The following EPB41L1 variants were observed in gnomAD, a reference collection of about 807,000 sequenced individuals.
EPB41L1 encodes the protein erythrocyte membrane protein band 4.1 like 1.
Under a neutral mutation model 97.8 loss-of-function variants are expected in EPB41L1, and 29 were observed. The ratio of observed to expected loss-of-function variants is 0.30; its 90% CI spans 0.22 to 0.40. The LOEUF is 0.40. Ranked by LOEUF, EPB41L1 falls within the 10% of genes least tolerant of loss-of-function variation. The pLI is 1.00. For synonymous variants in EPB41L1, 383 were observed against 459.2 expected, an observed-to-expected ratio of 0.83 and a Z score of 2.12; for missense variants, 812 against 1,162.3, an observed-to-expected ratio of 0.70 and a Z score of 4.38.
chr20:36,106,620 G>C (rs1270469704), intron 1 of EPB41L1, among the ~76,000 whole-genome samples: 2 of 152,240 alleles, frequency 1.3e-5, no homozygotes, highest in African/African-American at 4.8e-5. Flanking sequence ...GTAGGGTTTT[G>C]TTGAATGAGT....
At chr20:36,147,971 C>T (rs2059904580) in intron 2 of EPB41L1, among the ~76,000 whole-genome samples, 2 of 152,104 alleles carry the variant, frequency 1.3e-5, no homozygotes, top group Admixed American at 1.3e-4. Flanking sequence ...GCTGATTTCC[C>T]AAGAAGCAGC....
At chr20:36,154,315 C>T (rs2060178807), upstream of EPB41L1, among the ~76,000 whole-genome samples, 1 of 152,130 alleles carries the variant, frequency 6.6e-6, no homozygotes. This position sits in a 1 kb window ranked among gnomAD's most constrained non-coding sequence, Gnocchi z 5.5. Context: ...TTCTCTCCTC[C>T]CCCTCCCTTT....
intron 19 of EPB41L1, 81 bp downstream of exon 19, chr20:36,219,925 C>A: frequency 7.9e-7 from 1 of 1,263,250 alleles, no homozygotes; most frequent in Non-Finnish European, 1.2e-6. Context: ...TTCGGCTTCG[C>A]CATCTGTAAA....
chr20:36,221,484 A>G (rs1326006924), intron 19 of EPB41L1, among the ~76,000 whole-genome samples: 2 of 152,216 alleles, frequency 1.3e-5, no homozygotes, highest in African/African-American at 2.4e-5. Flanking sequence ...CAGCCTGGTG[A>G]GGTGAACAAG....
chr20:36,126,466 A>C (rs2058973740), intron 2 of EPB41L1, among the ~76,000 whole-genome samples: 1 of 151,222 alleles, frequency 6.6e-6, no homozygotes, highest in Non-Finnish European at 1.5e-5. Flanking sequence ...TCCCGGGTTC[A>C]AGCGATTCTC....
chr20:36,201,764 AG>A (rs2062510568), intron 14 of EPB41L1, among the ~76,000 whole-genome samples: 1 of 152,162 alleles, frequency 6.6e-6, no homozygotes, highest in Non-Finnish European at 1.5e-5. Flanking sequence ...ATCCAGGCCC[AG>A]GCAGGAGGCT....
chr20:36,141,475 C>G (rs183014553), intron 2 of EPB41L1, among the ~76,000 whole-genome samples: 2 of 152,020 alleles, frequency 1.3e-5, no homozygotes, highest in Non-Finnish European at 2.9e-5. Flanking sequence ...CTAGATGGGC[C>G]CCATTAGTGA....
upstream of EPB41L1, chr20:36,152,943 C>T: frequency 2.2e-6 from 1 of 455,720 alleles, no homozygotes; most frequent in Non-Finnish European, 4.4e-6. Flanking sequence ...GCAGATTTGT[C>T]TGTCTTCCCA....
At position 36,231,871 on chromosome 20, in the gene EPB41L1, AG is replaced by A. The variant is rs2064504686; in HGVS notation, c.*2532del. On this transcript the variant is annotated 3_prime_UTR_variant, in exon 22 of 22. Coordinates refer to ENST00000338074, the MANE Select transcript of EPB41L1 (RefSeq NM_012156.2). The stretch of plus-strand genomic sequence containing the variant: ...CCCCTCTTTCTGGGTCAAGAGCTGG[AG>A]TGGTGGCTCCATCCTCTCTGGGCCA... 6.5e-6 allele frequency: 1 copy of A among 152,762 alleles called. No individual in the cohort carries two copies. The highest frequency in any genetic ancestry group is 2.1e-4 in the South Asian group (1 of 4,822). The allele number at this position is 152,762 out of a possible 1,614,324, so 9.5% of individuals were successfully genotyped here. A position where few individuals can be genotyped will look rare whatever the true frequency, so the allele number is the denominator to read the frequency against.
At chr20:36,224,155 G>A (rs772731963) in intron 21 of EPB41L1, among the ~76,000 whole-genome samples, 2 of 152,180 alleles carry the variant, frequency 1.3e-5, no homozygotes, top group African/African-American at 2.4e-5. Flanking sequence ...TGCTGTCTGG[G>A]ATGGTAGTCA....
chr20:36,171,520 C>T (rs959326717), intron 1 of EPB41L1, among the ~76,000 whole-genome samples: 2 of 152,182 alleles, frequency 1.3e-5, no homozygotes, highest in Non-Finnish European at 2.9e-5. Flanking sequence ...TCAGTAACAA[C>T]AAACCCTCTC....
chr20:36,185,470 T>C (rs2061645270), intron 7 of EPB41L1, 135 bp downstream of exon 7: 1 of 815,668 alleles, frequency 1.2e-6, no homozygotes, highest in Non-Finnish European at 2.0e-6. Context: ...TTGAGGTATA[T>C]CTAAGAGCAA....
At chr20:36,204,862 T>C (rs1403061015) in intron 14 of EPB41L1, among the ~76,000 whole-genome samples, 1 of 148,794 alleles carries the variant, frequency 6.7e-6, no homozygotes, top group Non-Finnish European at 1.5e-5. Flanking sequence ...AGGATGGTCT[T>C]GATCTCTTGA....
At chr20:36,117,590 G>C (rs888961895) in intron 2 of EPB41L1, among the ~76,000 whole-genome samples, 1 of 152,186 alleles carries the variant, frequency 6.6e-6, no homozygotes, top group Non-Finnish European at 1.5e-5. Flanking sequence ...GGCAGGAAGG[G>C]TATAATTATC....
Position 36,206,763 on chromosome 20 carries a change from G to A in EPB41L1, c.1669-2725G>A, listed in dbSNP as rs1222614535. ...GCTGGGAAGATGCCCAGTGGGGAGT[G>A]GAAGGAGAGTTTCCCCACCTGACAG... On this transcript the variant is annotated intron_variant, in intron 14 of 21. Coordinates refer to ENST00000338074, the MANE Select transcript of EPB41L1 (RefSeq NM_012156.2). The surrounding 1 kb of genome is among the most constrained non-coding windows in gnomAD (Gnocchi z 5.5). 1.6e-6 allele frequency: 2 copies of A among 1,289,734 alleles called. No individual in the cohort carries two copies. The highest frequency in any genetic ancestry group is 2.1e-4 in the Middle Eastern group (1 of 4,718). The allele number at this position is 1,289,734 out of a possible 1,614,324, so 79.9% of individuals were successfully genotyped here.
chr20:36,227,728 C>T (rs2147214507), intron 21 of EPB41L1, among the ~76,000 whole-genome samples: 2 of 152,356 alleles, frequency 1.3e-5, no homozygotes, highest in Admixed American at 1.3e-4. Context: ...TCTGTCCCTG[C>T]TTCAGTTAAC....
intron 5 of EPB41L1, among the ~76,000 whole-genome samples, chr20:36,180,861 G>A (rs1028673894): frequency 5.3e-5 from 8 of 152,176 alleles, no homozygotes; most frequent in African/African-American, 1.7e-4. Flanking sequence ...CTCTTTCCAA[G>A]GAGTCGGTGT....
intron 15 of EPB41L1, among the ~76,000 whole-genome samples, chr20:36,210,549 T>G (rs369119107): frequency 6.6e-6 from 1 of 151,988 alleles, no homozygotes; most frequent in Non-Finnish European, 1.5e-5. Context: ...TCCCCAACAT[T>G]CCTGGCATTG....
rs763125516 is a variant in EPB41L1 at position 36,206,565 on chromosome 20, T to C, written c.1669-2923T>C. 1.2e-5 allele frequency: 16 copies of C among 1,289,290 alleles called. No homozygotes were observed. The South Asian group carries it at 1.9e-4, about 15-fold the overall frequency. 79.9% of individuals were successfully genotyped at this position (1,289,290 alleles called of 1,614,324 possible). A position where few individuals can be genotyped will look rare whatever the true frequency, so the allele number is the denominator to read the frequency against. On this transcript the variant is annotated intron_variant, in intron 14 of 21. Transcript: ENST00000338074. The surrounding 1 kb of genome is among the most constrained non-coding windows in gnomAD (Gnocchi z 5.5). Reference sequence around the variant, plus strand: ...GGCGCCTGGATGCCCCTCCCGGAGGTGAGCCCAGGCCGACGCTGAATTCCT... The same window carrying C: ...GGCGCCTGGATGCCCCTCCCGGAGGCGAGCCCAGGCCGACGCTGAATTCCT...
Sources: gnomAD v4.1 joint callset for allele counts (sites outside exome capture counted in the v4.1 genomes callset) on GRCh38, gnomAD v4.1.1 for gene constraint, Gnocchi (gnomAD v3.1) non-coding constraint, MANE v1.5 for transcripts, NCBI Gene and HGNC (gene_info 2026-07-23, HGNC 2026-07-21) for gene names.